DLG2: variants seen among roughly 807,000 people sequenced by gnomAD.
The protein encoded by DLG2 is disks large homolog 2.
A neutral mutation model predicts 132.5 loss-of-function variants in DLG2; 45 were observed. That is an observed-to-expected ratio of 0.34 (90% CI 0.27 to 0.44). The LOEUF (loss-of-function observed/expected upper bound fraction) is 0.44. Ranked by LOEUF, DLG2 falls within the 20% of genes least tolerant of loss-of-function variation. The probability of loss-of-function intolerance (pLI) is 1.00; values close to 1 mark genes in which losing one functional copy is unlikely to be tolerated. For synonymous variants in DLG2, 424 were observed against 419.6 expected (o/e 1.01, Z -0.13); for missense variants, 1,045 against 1,196.9 (o/e 0.87, Z 1.87).
intron 3 of DLG2, among the ~76,000 whole-genome samples, chr11:85,510,684 G>A (rs1280518283): frequency 1.3e-5 from 2 of 151,932 alleles, no homozygotes; most frequent in African/African-American, 2.4e-5. Context: ...ACCACCTCAC[G>A]CCAGTTAGAA....
intron 7 of DLG2, among the ~76,000 whole-genome samples, chr11:84,378,966 A>C (rs1237265368): frequency 6.6e-6 from 1 of 151,864 alleles, no homozygotes; most frequent in Non-Finnish European, 1.5e-5. Context: ...AAAAACAAAA[A>C]CAAAAACAAA....
chr11:84,803,208 G>C (rs1050096465), intron 6 of DLG2, among the ~76,000 whole-genome samples: 3 of 152,166 alleles, frequency 2.0e-5, no homozygotes, highest in African/African-American at 2.4e-5. Context: ...ATATATTGTA[G>C]ATGCTCAATA....
intron 6 of DLG2, among the ~76,000 whole-genome samples, chr11:84,842,779 T>C (rs2080870501): frequency 1.3e-5 from 2 of 151,862 alleles, no homozygotes; most frequent in South Asian, 4.1e-4. Context: ...GTATAATGAA[T>C]ATCTGGACAG....
intron 3 of DLG2, among the ~76,000 whole-genome samples, chr11:85,454,426 T>C (rs1261919776): frequency 2.6e-5 from 4 of 152,180 alleles, no homozygotes; most frequent in East Asian, 1.9e-4. Context: ...CGATTTTGCA[T>C]ATTGCACCTT....
chr11:83,945,920 C>T (rs981555668), intron 14 of DLG2, among the ~76,000 whole-genome samples: 2 of 147,518 alleles, frequency 1.4e-5, no homozygotes, highest in Non-Finnish European at 3.0e-5. Context: ...TTCCTTCTTT[C>T]CTTCCTTCCT....
At chr11:84,530,754 C>G (rs1565208095) in intron 7 of DLG2, among the ~76,000 whole-genome samples, 1 of 152,140 alleles carries the variant, frequency 6.6e-6, no homozygotes, top group East Asian at 1.9e-4. Flanking sequence ...GTCATTCGAC[C>G]AAGCAATCTC....
chr11:85,444,750 T>C (rs552622577), intron 3 of DLG2, among the ~76,000 whole-genome samples: 78 of 152,332 alleles, frequency 5.1e-4, no homozygotes, highest in African/African-American at 1.8e-3. Context: ...CTGTCTTTGA[T>C]TTTGCATAAC....
At chr11:85,164,711 C>T (rs1362995419) in intron 4 of DLG2, among the ~76,000 whole-genome samples, 1 of 152,086 alleles carries the variant, frequency 6.6e-6, no homozygotes, top group East Asian at 1.9e-4. Context: ...ATAAGCTAGG[C>T]CTCTCTTCAA....
At position 84,759,981 on chromosome 11, in the gene DLG2, G is replaced by A. The variant is rs142271822; in HGVS notation, c.358-225250C>T. Among the ~76,000 whole-genome samples the A allele has an allele frequency of 2.2e-3, 330 of 152,276 alleles. 1 individual carries two copies. The highest frequency in any genetic ancestry group is 7.8e-3 in the African/African-American group (323 of 41,552). On this transcript the variant is annotated intron_variant, in intron 6 of 27. Transcript: ENST00000376104. ...TCCTAGAGTGCAGTACGTTTATGAT[G>A]TAATGAACTCTTTACACGAAGGAAG...
intron 22 of DLG2, among the ~76,000 whole-genome samples, chr11:83,482,212 AG>A (rs1320297682): frequency 6.6e-6 from 1 of 152,118 alleles, no homozygotes; most frequent in African/African-American, 2.4e-5. Flanking sequence ...TTGAATTATG[AG>A]GAGTATCAAT....
intron 6 of DLG2, among the ~76,000 whole-genome samples, chr11:84,600,844 G>T (rs956839277): frequency 6.6e-6 from 1 of 152,064 alleles, no homozygotes; most frequent in African/African-American, 2.4e-5. Context: ...GAAAAAGAAG[G>T]AAATAATTGC....
chr11:84,826,343 C>T (rs973482933), intron 6 of DLG2, among the ~76,000 whole-genome samples: 17 of 151,798 alleles, frequency 1.1e-4, no homozygotes, highest in African/African-American at 4.1e-4. Flanking sequence ...CCCCTTTTAA[C>T]TTCCACTAAC....
chr11:85,025,869 T>G (rs1320245863), intron 6 of DLG2, among the ~76,000 whole-genome samples: 11 of 151,866 alleles, frequency 7.2e-5, no homozygotes, highest in Non-Finnish European at 1.6e-4. Context: ...AACATTCTAC[T>G]TTAGAGTGCA....
chr11:84,556,590 C>T (rs1156474308), intron 6 of DLG2, among the ~76,000 whole-genome samples: 2 of 152,130 alleles, frequency 1.3e-5, no homozygotes, highest in African/African-American at 2.4e-5. Flanking sequence ...TTTGTGTTGG[C>T]CCACATTCGA....
At chr11:85,077,602 A>G (rs1450208939) in intron 6 of DLG2, among the ~76,000 whole-genome samples, 2 of 151,880 alleles carry the variant, frequency 1.3e-5, no homozygotes, top group Non-Finnish European at 2.9e-5. Flanking sequence ...ATGCAAATCT[A>G]TAGGTTAAAA....
intron 3 of DLG2, among the ~76,000 whole-genome samples, chr11:85,559,276 C>G (rs774595580): frequency 6.6e-6 from 1 of 150,746 alleles, no homozygotes; most frequent in Non-Finnish European, 1.5e-5. Flanking sequence ...CTCAGCCTCC[C>G]GAGTACCTGG....
chr11:84,805,553 C>G (rs1188213275), intron 6 of DLG2, among the ~76,000 whole-genome samples: 1 of 152,144 alleles, frequency 6.6e-6, no homozygotes, highest in East Asian at 1.9e-4. Flanking sequence ...CTCTTTGGTG[C>G]TGTTCTCATG....
chr11:84,492,608 G>A (rs1484123300), intron 7 of DLG2, among the ~76,000 whole-genome samples: 1 of 152,142 alleles, frequency 6.6e-6, no homozygotes, highest in Non-Finnish European at 1.5e-5. Context: ...ATAACTCACA[G>A]AAGTAATGTG....
At chr11:83,492,619 G>A (rs907617519) in intron 21 of DLG2, among the ~76,000 whole-genome samples, 1 of 151,942 alleles carries the variant, frequency 6.6e-6, no homozygotes, top group African/African-American at 2.4e-5. Flanking sequence ...CAAAAACCTT[G>A]GTCCTCCCTC....
Sources: gnomAD v4.1 joint callset for allele counts (sites outside exome capture counted in the v4.1 genomes callset) on GRCh38, gnomAD v4.1.1 for gene constraint, MANE v1.5 for transcripts, NCBI Gene and HGNC (gene_info 2026-07-23, HGNC 2026-07-21) for gene names.